Variants in LAMC1 observed in about 807,000 individuals in gnomAD.
LAMC1 encodes the protein laminin subunit gamma-1.
LAMC1 carries 38 observed loss-of-function variants against 173.6 expected under a neutral mutation model. That is an observed-to-expected ratio of 0.22 (90% confidence interval 0.17 to 0.29). The LOEUF (loss-of-function observed/expected upper bound fraction) is 0.29. Among genes scored for constraint, LAMC1 ranks in the 10% least tolerant of loss-of-function variants. The pLI, the probability that LAMC1 is intolerant of heterozygous loss-of-function variation, is 1.00. For synonymous variants in LAMC1, 746 were observed against 749.1 expected, an observed-to-expected ratio of 1.00 and a Z score of 0.07; for missense variants, 1,824 against 2,051.8, an observed-to-expected ratio of 0.89 and a Z score of 2.14.
At position 183,122,180 on chromosome 1, in the gene LAMC1, G is replaced by A; in HGVS notation, c.2330G>A (p.Gly777Glu). ...GATTGCCAACCCTGTCCGTGTCCTG[G>A]AGGTTCAAGTTGTGCTGTTGTTCCC... ...SSDCQPCPCP[G>E]GSSCAVVPKT... is the part of the protein sequence containing the mutation. The change falls in exon 13 of 28, where the codon GGA becomes GAA. Residue 777 changes from glycine to glutamate, a missense_variant. Transcript: ENST00000258341. 6.2e-7 allele frequency: 1 copy of A among 1,614,150 alleles called. No homozygotes were observed. The highest frequency in any genetic ancestry group is 1.1e-5 in the South Asian group (1 of 91,072).
At chr1:183,090,320 T>C (rs1655534263) in intron 1 of LAMC1, among the ~76,000 whole-genome samples, 1 of 152,156 alleles carries the variant, frequency 6.6e-6, no homozygotes, top group African/African-American at 2.4e-5. Context: ...AGCTATTTTG[T>C]AGAAGGTATA....
At chr1:183,078,540 C>T (rs765061541) in intron 1 of LAMC1, among the ~76,000 whole-genome samples, 1 of 150,908 alleles carries the variant, frequency 6.6e-6, no homozygotes, top group South Asian at 2.1e-4. Flanking sequence ...CAAGATCATG[C>T]CACTGCACTC....
At position 183,136,564 on chromosome 1, in the gene LAMC1, G is replaced by A. The variant is rs985900936; in HGVS notation, c.4293G>A (p.Arg1431=). ...EAKNKAHEAE[R]IASAVQKNAT... ...AGAACAAGGCCCATGAGGCGGAGAG[G>A]ATCGCGAGCGCTGTCCAAAAGGTGT... is the stretch of plus-strand genomic sequence containing the variant. The change falls in exon 25 of 28, where the codon AGG becomes AGA. Residue 1431 remains arginine (R), a synonymous_variant. Transcript: ENST00000258341. 1 of 1,609,444 alleles carries A rather than the reference G, an allele frequency of 6.2e-7. No individual in the cohort carries two copies. The highest frequency in any genetic ancestry group is 1.7e-5 in the Admixed American group (1 of 59,036).
At chr1:183,101,937 A>C (rs1037821218) in intron 1 of LAMC1, among the ~76,000 whole-genome samples, 7 of 152,188 alleles carry the variant, frequency 4.6e-5, no homozygotes, top group Non-Finnish European at 7.3e-5. Context: ...GCTCAGTTGA[A>C]GAATGTGGCC....
At chr1:183,116,546 CTGAT>C in intron 6 of LAMC1, 27 bp from the exon 7 acceptor site, 1 of 1,431,360 alleles carries the variant, frequency 7.0e-7, no homozygotes. Context: ...TCTCCCTTCT[CTGAT>C]TGTTTTATCC....
rs550332409 is a variant in LAMC1, at chr1:183,090,813, G to C, written c.419-12515G>C. Reference sequence around the variant, plus strand: ...GCTGCTTATTAAGCCTCTGCCTGGTGGGGGGAGGGTGGGTATAGGAGGGGA... The same window carrying C: ...GCTGCTTATTAAGCCTCTGCCTGGTCGGGGGAGGGTGGGTATAGGAGGGGA... On this transcript the variant is annotated intron_variant, in intron 1 of 27. Transcript: ENST00000258341. Among the ~76,000 whole-genome samples, 99 of 152,258 alleles carry C rather than the reference G, an allele frequency of 6.5e-4. 1 individual carries two copies. The highest frequency in any genetic ancestry group is 2.2e-3 in the African/African-American group (91 of 41,550).
intron 1 of LAMC1, among the ~76,000 whole-genome samples, chr1:183,048,584 C>T (rs116454836): frequency 0.016 from 2,373 of 152,204 alleles, 70 homozygotes; most frequent in African/African-American, 0.054. Flanking sequence ...TATTAAAAGG[C>T]GTGTATTTCC....
At chr1:183,100,469 C>T (rs1655805804) in intron 1 of LAMC1, among the ~76,000 whole-genome samples, 1 of 152,216 alleles carries the variant, frequency 6.6e-6, no homozygotes, top group Non-Finnish European at 1.5e-5. Flanking sequence ...CTACCCTAGA[C>T]AACTCTAATT....
At position 183,118,118 on chromosome 1, in the gene LAMC1, C is replaced by A. The variant is rs781259872; in HGVS notation, c.1962C>A (p.Ile654=). 7.7e-5 allele frequency: 123 copies of A among 1,605,506 alleles called. 1 individual carries two copies. The highest frequency in any genetic ancestry group is 4.3e-4 in the South Asian group (39 of 90,906). ...AGCTCCTAAACAACTTGACCTCTAT[C>A]AAGATACGTGGGACATACAGTGAGA... ...FQKLLNNLTS[I]KIRGTYSERS... is the part of the protein sequence containing the mutation. Residue 654 remains isoleucine (I), a synonymous_variant, in exon 11 of 28, where the codon ATC becomes ATA. Coordinates refer to ENST00000258341, the MANE Select transcript of LAMC1 (RefSeq NM_002293.4).
At chr1:183,049,285 G>T (rs1436783591) in intron 1 of LAMC1, among the ~76,000 whole-genome samples, 1 of 152,112 alleles carries the variant, frequency 6.6e-6, no homozygotes, top group East Asian at 1.9e-4. Context: ...TTTAATACTG[G>T]TCTGATTGTA....
intron 1 of LAMC1, among the ~76,000 whole-genome samples, chr1:183,101,010 A>T (rs766701427): frequency 6.6e-6 from 1 of 152,196 alleles, no homozygotes; most frequent in Non-Finnish European, 1.5e-5. Flanking sequence ...CAAGAGACAT[A>T]TGCCTGGTTC....
rs371328571 is a variant in LAMC1, at chr1:183,124,705, C to T, written c.2476C>T (p.Arg826Cys). The T allele has an allele frequency of 1.7e-5, 28 of 1,614,216 alleles. No individual in the cohort carries two copies. Among genetic ancestry groups the T allele is most frequent in the Middle Eastern group, 1.6e-4 (1 of 6,062 alleles). The change falls in exon 14 of 28, where the codon CGC (arginine) becomes TGC (cysteine). Residue 826 changes from arginine to cysteine, a missense_variant. Arg to Cys is a radical substitution (Grantham distance 180, BLOSUM62 -3). Transcript: ENST00000258341. Reference sequence around the variant, plus strand: ...TAGAAACGGCCCTGTGAGACTTTGCCGCCTGTGCCAGTGCAGTGACAACAT... The same window carrying T: ...TAGAAACGGCCCTGTGAGACTTTGCTGCCTGTGCCAGTGCAGTGACAACAT... ...LGRNGPVRLC[R>C]LCQCSDNIDP...
chr1:183,105,516 C>T (rs1655956605), intron 2 of LAMC1, among the ~76,000 whole-genome samples: 1 of 152,120 alleles, frequency 6.6e-6, no homozygotes, highest in African/African-American at 2.4e-5. Context: ...CTGTCTTGAG[C>T]CATTTCCCCA....
At chr1:183,140,788 G>A in intron 27 of LAMC1, 1 of 198,454 alleles carries the variant, frequency 5.0e-6, no homozygotes, top group South Asian at 1.2e-4. Flanking sequence ...ACTTTAGGCT[G>A]TGTTAATGTG....
intron 11 of LAMC1, among the ~76,000 whole-genome samples, chr1:183,121,256 TA>T (rs35349531): frequency 0.53 from 77,734 of 147,432 alleles, 20,677 homozygotes; most frequent in South Asian, 0.66. Flanking sequence ...CTGTCTCTTC[TA>T]AAAAAAAAAA....
chr1:183,123,906 T>TCA (rs1656548586), intron 13 of LAMC1, among the ~76,000 whole-genome samples: 1 of 152,184 alleles, frequency 6.6e-6, no homozygotes, highest in African/African-American at 2.4e-5. Flanking sequence ...CAGGCCCTAC[T>TCA]GGTTACAAAG....
intron 1 of LAMC1, among the ~76,000 whole-genome samples, chr1:183,050,234 A>G (rs1046523128): frequency 5.7e-4 from 84 of 147,436 alleles, no homozygotes; most frequent in African/African-American, 2.1e-3. Flanking sequence ...TAGTTCTTTG[A>G]TATATTTACC....
At chr1:183,040,381 C>G (rs1654098628) in intron 1 of LAMC1, among the ~76,000 whole-genome samples, 1 of 152,138 alleles carries the variant, frequency 6.6e-6, no homozygotes, top group Non-Finnish European at 1.5e-5. Flanking sequence ...GTCAGAGGAA[C>G]AAAAGATGGG....
chr1:183,061,742 AT>A (rs1334185423), intron 1 of LAMC1, among the ~76,000 whole-genome samples: 3 of 152,206 alleles, frequency 2.0e-5, no homozygotes, highest in Non-Finnish European at 2.9e-5. Context: ...TCTTATTTTC[AT>A]TTAATGTTGA....
Sources: allele counts gnomAD v4.1 joint callset (sites outside exome capture counted in the v4.1 genomes callset), GRCh38; gene constraint gnomAD v4.1.1; transcripts MANE v1.5; gene names NCBI Gene and HGNC (gene_info 2026-07-23, HGNC 2026-07-21).